SLC12A7: variants seen among roughly 807,000 people sequenced by gnomAD.
SLC12A7 encodes K-Cl cotransporter 4.
Under a neutral mutation model 120.6 loss-of-function variants are expected in SLC12A7, and 100 were observed. That is an observed-to-expected ratio of 0.83 (90% CI 0.71 to 0.98). SLC12A7 has a LOEUF of 0.98. Among genes scored for constraint, SLC12A7 ranks in the 50% least tolerant of loss-of-function variants. The probability of loss-of-function intolerance (pLI) is 0.00; values close to 1 mark genes in which losing one functional copy is unlikely to be tolerated. For missense variants in SLC12A7, 1,373 were observed against 1,548.1 expected (o/e 0.89, Z 1.90); for synonymous variants, 760 against 678.0 (o/e 1.12, Z -1.88).
At chr5:1,121,907 A>G in the SLC12A7 span, among the ~76,000 whole-genome samples, 1 of 152,032 alleles carries the variant, frequency 6.6e-6, no homozygotes, top group Admixed American at 6.5e-5. Context: ...GGGGGGCATG[A>G]GAGGGGGCCC....
chr5:1,079,529 C>T (rs763908460), intron 9 of SLC12A7, 33 bp from the exon 10 acceptor site: 94 of 1,566,802 alleles, frequency 6.0e-5, no homozygotes, highest in Admixed American at 1.7e-4. Context: ...AAAGACCCAT[C>T]TGAGGAGTCA....
At chr5:1,124,740 G>A in the SLC12A7 span, among the ~76,000 whole-genome samples, 4 of 152,194 alleles carry the variant, frequency 2.6e-5, no homozygotes, top group Admixed American at 6.5e-5. Context: ...GGCGACGACC[G>A]TGAGAACAGC....
the SLC12A7 span, among the ~76,000 whole-genome samples, chr5:1,148,711 A>G: frequency 6.6e-6 from 1 of 152,222 alleles, no homozygotes; most frequent in Admixed American, 6.5e-5. Context: ...ACGGAACAGA[A>G]GAAAGGCTGA....
the SLC12A7 span, among the ~76,000 whole-genome samples, chr5:1,138,967 C>G: frequency 8.3e-3 from 1,266 of 152,360 alleles, 18 homozygotes; most frequent in South Asian, 0.035. Context: ...TGGCCAGAAG[C>G]CTTGGACCTG....
Position 1,053,474 on chromosome 5 carries a change from G to C in SLC12A7, c.3035C>G (p.Ser1012Cys), listed in dbSNP as rs1203373301. 1 of 1,613,598 alleles carries C rather than the reference G, an allele frequency of 6.2e-7. No individual in the cohort carries two copies. Among genetic ancestry groups the C allele is most frequent in the African/African-American group, 1.3e-5 (1 of 74,950 alleles). Residue 1012 changes from serine (S) to cysteine (C), a missense_variant, in exon 23 of 24, where the codon TCC (serine) becomes TGC (cysteine). Physicochemically the swap from Ser to Cys is moderately radical, Grantham distance 112 (BLOSUM62 -1). Transcript: ENST00000264930. ...AGCCGTGTGCATCCGCCTGACGTTG[G>C]ACTGGTCCCTGCAGGGGAGGTGGGC... ...KDLFSMKPDQ[S>C]NVRRMHTAVK... is the part of the protein sequence containing the mutation.
intron 1 of SLC12A7, among the ~76,000 whole-genome samples, 170 bp downstream of exon 1, chr5:1,111,698 C>G (rs977935163): frequency 1.3e-5 from 2 of 152,144 alleles, no homozygotes; most frequent in Non-Finnish European, 2.9e-5. Flanking sequence ...AGCGCTGCCA[C>G]TAACGTGGGG....
At chr5:1,095,094 G>A (rs1740994040) in intron 1 of SLC12A7, among the ~76,000 whole-genome samples, 1 of 128,844 alleles carries the variant, frequency 7.8e-6, no homozygotes, top group Non-Finnish European at 1.8e-5. Context: ...GTGAGGTGTG[G>A]AAGGGGATGA....
chr5:1,151,607 C>A, the SLC12A7 span, among the ~76,000 whole-genome samples: 1 of 152,206 alleles, frequency 6.6e-6, no homozygotes, highest in Non-Finnish European at 1.5e-5. The surrounding 1 kb of genome is among the most constrained non-coding windows in gnomAD (Gnocchi z 6.2). Flanking sequence ...GGGGTGAAAA[C>A]CACCAGAACC....
At chr5:1,142,956 T>TGGGCCCG in the SLC12A7 span, among the ~76,000 whole-genome samples, 184 of 151,554 alleles carry the variant, frequency 1.2e-3, 1 homozygote, top group East Asian at 0.032. Context: ...CACTGGGCCC[T>TGGGCCCG]GGGCCCCAGG....
chr5:1,062,208 G>C (rs1235188865), intron 20 of SLC12A7, among the ~76,000 whole-genome samples: 1 of 152,192 alleles, frequency 6.6e-6, no homozygotes, highest in Admixed American at 6.5e-5. Flanking sequence ...CACTTTGCCT[G>C]TTTCCTCTGG....
At position 1,073,786 on chromosome 5, in the gene SLC12A7, C is replaced by T. The variant is rs1299273875; in HGVS notation, c.2088G>A (p.Val696=). Residue 696 remains valine (V), a synonymous_variant, in exon 17 of 24, where the codon GTG becomes GTA. Transcript: ENST00000264930. The part of the protein sequence containing the change: ...HTKNWRPQVL[V]MLNLDAEQAV... ...CCTGCTCCGCGTCCAGGTTCAGCATCACCAGCACCTGGGGCCTGCAGCCAG... is the reference window on the plus strand; with the variant it reads ...CCTGCTCCGCGTCCAGGTTCAGCATTACCAGCACCTGGGGCCTGCAGCCAG... 6.9e-7 allele frequency: 1 copy of T among 1,444,072 alleles called. No homozygotes were observed. The highest frequency in any genetic ancestry group is 1.6e-5 in the South Asian group (1 of 64,198). 89.5% of individuals were successfully genotyped at this position (1,444,072 alleles called of 1,614,324 possible).
chr5:1,058,407 G>A (rs899369727), intron 21 of SLC12A7, among the ~76,000 whole-genome samples: 5 of 152,190 alleles, frequency 3.3e-5, no homozygotes, highest in Admixed American at 1.3e-4. Flanking sequence ...TCCCAGACAC[G>A]GGTGCCACCT....
the SLC12A7 span, among the ~76,000 whole-genome samples, chr5:1,139,753 G>GAGTAAT: frequency 4.6e-5 from 7 of 152,334 alleles, no homozygotes; most frequent in Admixed American, 1.3e-4. Context: ...CAGGCCCCGT[G>GAGTAAT]TCTTTGGGGA....
chr5:1,069,815 G>C (rs1203968615), intron 17 of SLC12A7, among the ~76,000 whole-genome samples: 3 of 152,260 alleles, frequency 2.0e-5, no homozygotes, highest in East Asian at 1.9e-4. Flanking sequence ...TAAGAAGTTT[G>C]AAAATCAGAG....
chr5:1,117,648 T>G, the SLC12A7 span, among the ~76,000 whole-genome samples: 1 of 152,334 alleles, frequency 6.6e-6, no homozygotes, highest in East Asian at 1.9e-4. The surrounding 1 kb of genome is among the most constrained non-coding windows in gnomAD (Gnocchi z 4.5). Flanking sequence ...CTGGCTCATC[T>G]GATCTTGTGA....
At chr5:1,061,806 A>AG (rs1736320429) in intron 20 of SLC12A7, among the ~76,000 whole-genome samples, 1 of 152,090 alleles carries the variant, frequency 6.6e-6, no homozygotes, top group African/African-American at 2.4e-5. Flanking sequence ...AAAGAAAAAA[A>AG]AAAAAATTAG....
chr5:1,058,381 G>A (rs1441171052), intron 21 of SLC12A7, among the ~76,000 whole-genome samples: 1 of 152,226 alleles, frequency 6.6e-6, no homozygotes, highest in Non-Finnish European at 1.5e-5. Context: ...AGCCTGACAG[G>A]TAGGCCAATG....
chr5:1,063,935 TG>T lies in SLC12A7; in HGVS notation c.2647del (p.Gln883ArgfsTer9). The T allele has an allele frequency of 6.2e-7, 1 of 1,612,586 alleles. No homozygotes were observed. Among genetic ancestry groups the T allele is most frequent in the Non-Finnish European group, 8.5e-7 (1 of 1,179,834 alleles). On this transcript the variant is annotated frameshift_variant, in exon 20 of 24. Transcript: ENST00000264930. LOFTEE classifies it high-confidence loss of function. ...KCRMRIFTVA[Q>X]VDDNSIQMKK... ...CATCTGGATGCTGTTGTCGTCCACC[TG>T]GGCCACGGTGAAGATACGCATCCGG...
intron 3 of SLC12A7, among the ~76,000 whole-genome samples, chr5:1,090,920 G>T (rs1460235043): frequency 6.6e-6 from 1 of 152,192 alleles, no homozygotes; most frequent in East Asian, 1.9e-4. Flanking sequence ...ATGGGAGCAG[G>T]TCTGCTGGGG....
Sources: allele counts gnomAD v4.1 joint callset (sites outside exome capture counted in the v4.1 genomes callset), GRCh38; gene constraint gnomAD v4.1.1; non-coding constraint Gnocchi (gnomAD v3.1); transcripts MANE v1.5; gene names NCBI Gene and HGNC (gene_info 2026-07-23, HGNC 2026-07-21).